PTBP2: variants seen among roughly 807,000 people sequenced by gnomAD.
The protein encoded by PTBP2 is polypyrimidine tract-binding protein 2.
A neutral mutation model predicts 61.4 loss-of-function variants in PTBP2; 13 were observed. The observed-to-expected ratio is 0.21, with a 90% CI of 0.14 to 0.34. The LOEUF is 0.34. Among genes scored for constraint, PTBP2 ranks in the 10% least tolerant of loss-of-function variants. The probability of loss-of-function intolerance (pLI) is 1.00; values close to 1 mark genes in which losing one functional copy is unlikely to be tolerated. For synonymous variants in PTBP2, 215 were observed against 218.5 expected (o/e 0.98, Z 0.14); for missense variants, 405 against 642.6 (o/e 0.63, Z 4.00).
intron 3 of PTBP2, among the ~76,000 whole-genome samples, chr1:96,753,518 C>T (rs1056982749): frequency 2.0e-5 from 3 of 151,754 alleles, no homozygotes; most frequent in Non-Finnish European, 4.4e-5. Flanking sequence ...AGTTTTCCTG[C>T]AACTATCTTC....
At chr1:96,756,356 G>T (rs1406631827) in intron 3 of PTBP2, among the ~76,000 whole-genome samples, 1 of 152,136 alleles carries the variant, frequency 6.6e-6, no homozygotes, top group Non-Finnish European at 1.5e-5. Context: ...CCAGGATCAC[G>T]CCCATTTCAC....
At chr1:96,751,237 T>C (rs1010234600) in intron 2 of PTBP2, 188 bp from the exon 3 acceptor site, 1 of 674,158 alleles carries the variant, frequency 1.5e-6, no homozygotes, top group African/African-American at 1.8e-5. Context: ...AAGGGAACAC[T>C]GTTGCCTTTG....
chr1:96,733,060 A>G lies in PTBP2; in HGVS notation c.39+9466A>G, dbSNP rs140654527. ...TTGCTATAGCAAATTTATTGTAACA[A>G]CACAAAGTATTATCTTATAGTTTTG... On this transcript the variant is annotated intron_variant, in intron 2 of 13. Transcript: ENST00000674951. Among the ~76,000 whole-genome samples the G allele has an allele frequency of 1.9e-4, 29 of 151,426 alleles. No homozygotes were observed. The East Asian group carries it at 5.0e-3, about 26-fold the overall frequency.
At chr1:96,748,335 A>G (rs554973661) in intron 2 of PTBP2, among the ~76,000 whole-genome samples, 117 of 152,358 alleles carry the variant, frequency 7.7e-4, no homozygotes, top group Admixed American at 1.6e-3. Context: ...CTAGACTATT[A>G]TGATAAACAG....
intron 8 of PTBP2, among the ~76,000 whole-genome samples, chr1:96,791,943 C>T (rs1570963915): frequency 6.6e-6 from 1 of 150,820 alleles, no homozygotes; most frequent in Non-Finnish European, 1.5e-5. Context: ...ACGCCATTCT[C>T]CTGCCTCAGC....
chr1:96,739,731 A>G (rs1570737884), intron 2 of PTBP2, among the ~76,000 whole-genome samples: 1 of 143,832 alleles, frequency 7.0e-6, no homozygotes, highest in East Asian at 2.1e-4. Flanking sequence ...GGTTCACGCC[A>G]TCTTCCTGAG....
intron 3 of PTBP2, among the ~76,000 whole-genome samples, chr1:96,762,798 C>T (rs922632991): frequency 3.3e-5 from 5 of 151,366 alleles, no homozygotes; most frequent in African/African-American, 4.9e-5. Context: ...GGCTGCCGGG[C>T]GGAGGGGCTC....
chr1:96,808,155 T>C (rs1276717486), intron 11 of PTBP2, among the ~76,000 whole-genome samples: 1 of 152,174 alleles, frequency 6.6e-6, no homozygotes, highest in African/African-American at 2.4e-5. Flanking sequence ...ATCTTCCAGA[T>C]AGTTTTTGTT....
chr1:96,808,001 A>T (rs991697511), intron 11 of PTBP2, among the ~76,000 whole-genome samples: 1 of 152,292 alleles, frequency 6.6e-6, no homozygotes, highest in African/African-American at 2.4e-5. Flanking sequence ...TGTAAGTAGC[A>T]CTTAACAGTA....
At chr1:96,769,984 G>T in intron 4 of PTBP2, 109 bp downstream of exon 4, 1 of 875,520 alleles carries the variant, frequency 1.1e-6, no homozygotes. Flanking sequence ...AAGAACAGAA[G>T]TCTTATTCTC....
chr1:96,738,324 C>T (rs970569621), intron 2 of PTBP2, among the ~76,000 whole-genome samples: 13 of 152,000 alleles, frequency 8.6e-5, no homozygotes, highest in East Asian at 1.9e-4. Context: ...GATGGAGTCT[C>T]GCTCTGTTGC....
rs187025124 is a variant in PTBP2 at position 96,805,619 on chromosome 1, G to A, written c.1044+680G>A. ...TTTATTTTGAATGCTATGAAAGCTG[G>A]TATGAAATGTGGGAAGCTCAGTGTA... On this transcript the variant is annotated intron_variant, in intron 9 of 13. Transcript: ENST00000674951. Among the ~76,000 whole-genome samples, 76 of 151,960 alleles carry A rather than the reference G, an allele frequency of 5.0e-4. 1 individual carries two copies. The East Asian group carries it at 0.014, about 28-fold the overall frequency.
chr1:96,775,339 A>G (rs1657911842), intron 5 of PTBP2, among the ~76,000 whole-genome samples: 1 of 152,256 alleles, frequency 6.6e-6, no homozygotes, highest in Non-Finnish European at 1.5e-5. Flanking sequence ...TATGTACAAG[A>G]AAGTTCATGG....
intron 2 of PTBP2, among the ~76,000 whole-genome samples, chr1:96,739,820 G>A (rs940564804): frequency 1.0e-3 from 151 of 151,512 alleles, no homozygotes; most frequent in African/African-American, 3.4e-3. Flanking sequence ...TAGAGACGGG[G>A]TTTCACTGTA....
intron 2 of PTBP2, among the ~76,000 whole-genome samples, chr1:96,725,403 C>T (rs1557679212): frequency 6.6e-6 from 1 of 151,636 alleles, no homozygotes; most frequent in African/African-American, 2.4e-5. Context: ...GGGTTCACTC[C>T]ATTCTTCTGC....
rs1398666309 is a variant in PTBP2, at chr1:96,768,794, A to G, written c.116-909A>G. Among the ~76,000 whole-genome samples the G allele has an allele frequency of 3.3e-5, 5 of 152,006 alleles. No homozygotes were observed. In the East Asian group the frequency reaches 9.6e-4, roughly 29 times the overall value. On this transcript the variant is annotated intron_variant, in intron 3 of 13. Coordinates refer to ENST00000674951, the MANE Select transcript of PTBP2 (RefSeq NM_021190.4). Reference sequence around the variant, plus strand: ...AGAGTATATTGATGTTAATAGTCACAAAATATTAGGTAGTTTAGACGGCAA... The same window carrying G: ...AGAGTATATTGATGTTAATAGTCACGAAATATTAGGTAGTTTAGACGGCAA...
intron 2 of PTBP2, among the ~76,000 whole-genome samples, chr1:96,735,720 CAA>C (rs1330123741): frequency 6.6e-6 from 1 of 151,822 alleles, no homozygotes; most frequent in Non-Finnish European, 1.5e-5. Context: ...CACAGAGAAG[CAA>C]AGAGATGAAA....
intron 3 of PTBP2, among the ~76,000 whole-genome samples, chr1:96,757,691 ATAAC>A (rs1655318662): frequency 6.6e-6 from 1 of 152,202 alleles, no homozygotes; most frequent in South Asian, 2.1e-4. Context: ...GGATTATAAA[ATAAC>A]TCAATAAATT....
intron 1 of PTBP2, among the ~76,000 whole-genome samples, chr1:96,723,088 T>C (rs921409928): frequency 2.6e-5 from 4 of 152,132 alleles, no homozygotes; most frequent in African/African-American, 9.7e-5. Context: ...TCTCACAGAA[T>C]TCAAATCATC....
Sources: gnomAD v4.1 joint callset for allele counts (sites outside exome capture counted in the v4.1 genomes callset) on GRCh38, gnomAD v4.1.1 for gene constraint, MANE v1.5 for transcripts, NCBI Gene and HGNC (gene_info 2026-07-23, HGNC 2026-07-21) for gene names.